The following PRKG2 variants were observed in gnomAD, a reference collection of about 807,000 sequenced individuals.
PRKG2 encodes the protein protein kinase cGMP-dependent 2, also known as cGMP-dependent protein kinase 2.
A neutral mutation model predicts 97.2 loss-of-function variants in PRKG2; 33 were observed. That is an observed-to-expected ratio of 0.34 (90% CI 0.26 to 0.45). PRKG2 has a LOEUF of 0.45. PRKG2 is among the 20% of genes least tolerant of loss of function. The probability of loss-of-function intolerance (pLI) is 1.00; values close to 1 mark genes in which losing one functional copy is unlikely to be tolerated. For missense variants in PRKG2, 638 were observed against 900.0 expected, an observed-to-expected ratio of 0.71 and a Z score of 3.73; for synonymous variants, 330 against 321.8, an observed-to-expected ratio of 1.03 and a Z score of -0.27.
intron 14 of PRKG2, 98 bp downstream of exon 14, chr4:81,135,057 C>T: frequency 8.4e-7 from 1 of 1,194,968 alleles, no homozygotes; most frequent in Non-Finnish European, 1.2e-6. Context: ...GAGAGAATAA[C>T]AGCTGCACTA....
Position 81,193,727 on chromosome 4 carries a change from T to C in PRKG2, c.461+10860A>G, listed in dbSNP as rs548261969. Among the ~76,000 whole-genome samples the C allele has an allele frequency of 1.6e-4, 24 of 151,946 alleles. No individual in the cohort carries two copies. In the East Asian group the frequency reaches 4.7e-3, roughly 30 times the overall value. On this transcript the variant is annotated intron_variant, in intron 2 of 18. Coordinates refer to ENST00000264399, the MANE Select transcript of PRKG2 (RefSeq NM_006259.3). ...TGGTGGTGGGCGCCCGTAATCCCAGTTACTCAGGAGGCAGAGGCAGGAGAA... is the reference window on the plus strand; with the variant it reads ...TGGTGGTGGGCGCCCGTAATCCCAGCTACTCAGGAGGCAGAGGCAGGAGAA...
intron 1 of PRKG2, among the ~76,000 whole-genome samples, chr4:81,211,501 A>G (rs1343048817): frequency 2.0e-5 from 3 of 152,168 alleles, no homozygotes; most frequent in African/African-American, 7.2e-5. Context: ...AAAATTTCCT[A>G]CGCCACATTA....
intron 2 of PRKG2, among the ~76,000 whole-genome samples, chr4:81,188,880 G>A (rs868386658): frequency 0.012 from 534 of 43,000 alleles, 12 homozygotes; most frequent in Middle Eastern, 0.019. Context: ...TGGTGGGGTC[G>A]GGGGAGGGGG....
chr4:81,177,120 T>C (rs914520278), intron 2 of PRKG2, among the ~76,000 whole-genome samples: 1 of 152,142 alleles, frequency 6.6e-6, no homozygotes, highest in East Asian at 1.9e-4. Context: ...AAGAAACCCC[T>C]CATGATTTTA....
chr4:81,173,965 A>G (rs1750707090), intron 3 of PRKG2: 1 of 152,042 alleles, frequency 6.6e-6, no homozygotes, highest in African/African-American at 2.4e-5. Context: ...CTAAAACTCA[A>G]AAAGTTGTGC....
intron 3 of PRKG2, among the ~76,000 whole-genome samples, chr4:81,172,430 G>T (rs969244981): frequency 5.9e-5 from 9 of 152,078 alleles, no homozygotes; most frequent in Non-Finnish European, 1.5e-5. Context: ...CCTTGGGCAA[G>T]TTACTTCATG....
At chr4:81,114,599 T>C (rs1744321828) in intron 14 of PRKG2, among the ~76,000 whole-genome samples, 2 of 152,206 alleles carry the variant, frequency 1.3e-5, no homozygotes, top group Admixed American at 1.3e-4. Flanking sequence ...TTTGAGTTGG[T>C]GATTATTTTT....
rs145149052 is a variant in PRKG2, at chr4:81,196,219, A to C, written c.461+8368T>G. ...AATTGAATTTGGCCAACAATCACGT[A>C]AGCTGGGAAGAGGACCTCTTCCTGT... On this transcript the variant is annotated intron_variant, in intron 2 of 18. Transcript: ENST00000264399. Among the ~76,000 whole-genome samples the C allele has an allele frequency of 2.6e-3, 403 of 152,296 alleles. 3 individuals are homozygous for C. Among genetic ancestry groups the C allele is most frequent in the South Asian group, 0.024 (117 of 4,828 alleles).
At position 81,092,513 on chromosome 4, in the gene PRKG2, G is replaced by GAAGGAAGGAAGA. The variant is rs1553916436; in HGVS notation, c.2127-62_2127-61insTCTTCCTTCCTT. The GAAGGAAGGAAGA allele has an allele frequency of 2.2e-4, 215 of 983,320 alleles. 2 individuals carry two copies. The African/African-American group carries it at 3.3e-3, about 15-fold the overall frequency. The allele number at this position is 983,320 out of a possible 1,614,324, so 60.9% of individuals were successfully genotyped here. A position where few individuals can be genotyped will look rare whatever the true frequency, so the allele number is the denominator to read the frequency against. The stretch of plus-strand genomic sequence containing the variant: ...GGAAGGAAGGAAGGAAGGAAGGAAG[G>GAAGGAAGGAAGA]GAGAAAGAAAGAGACGACAAAAAGG... On this transcript the variant is annotated intron_variant, in intron 17 of 18. Coordinates refer to ENST00000264399, the MANE Select transcript of PRKG2 (RefSeq NM_006259.3).
Position 81,153,712 on chromosome 4 carries a change from C to T in PRKG2, c.922G>A (p.Asp308Asn). 1 of 1,604,824 alleles carries T rather than the reference C, an allele frequency of 6.2e-7. No homozygotes were observed. The highest frequency in any genetic ancestry group is 8.5e-7 in the Non-Finnish European group (1 of 1,171,798). ...TCTCTAATGATGTAATCTCCTTTGT[C>T]ATAGTATTCCTGTTGGGATGAGAGA... Reference protein sequence around the residue: ...IIDCLEVEYYDKGDYIIREGE... With the variant: ...IIDCLEVEYYNKGDYIIREGE... The change falls in exon 7 of 19, where the codon GAC (aspartate) becomes AAC (asparagine). Residue 308 changes from aspartate (D) to asparagine (N), a missense_variant. Asp to Asn is a conservative substitution (Grantham distance 23, BLOSUM62 1). Transcript: ENST00000264399.
intron 2 of PRKG2, among the ~76,000 whole-genome samples, chr4:81,187,017 C>G (rs996401629): frequency 6.6e-6 from 1 of 152,000 alleles, no homozygotes. Context: ...CAAAACCAGA[C>G]AGATTCACAG....
At chr4:81,180,716 C>G (rs923724085) in intron 2 of PRKG2, among the ~76,000 whole-genome samples, 42 of 151,998 alleles carry the variant, frequency 2.8e-4, no homozygotes, top group African/African-American at 9.9e-4. Flanking sequence ...ATAGAATAAG[C>G]CAACAAAAAT....
chr4:81,146,604 C>T (rs555241964), intron 9 of PRKG2, among the ~76,000 whole-genome samples: 15 of 152,282 alleles, frequency 9.9e-5, no homozygotes, highest in Non-Finnish European at 1.6e-4. Context: ...GGCTTTCAGT[C>T]ACTATATTTC....
chr4:81,147,343 G>T (rs1194419332), intron 9 of PRKG2, among the ~76,000 whole-genome samples: 1 of 152,016 alleles, frequency 6.6e-6, no homozygotes, highest in Admixed American at 6.6e-5. Context: ...CATATTTTAA[G>T]GAACATATAT....
In PRKG2 at chr4:81,183,606, T is replaced by C. The variant is rs375848736; in HGVS notation, c.462-8647A>G. Among the ~76,000 whole-genome samples, 569 of 152,058 alleles carry C rather than the reference T, an allele frequency of 3.7e-3. 5 individuals are homozygous for C. The highest frequency in any genetic ancestry group is 0.013 in the African/African-American group (536 of 41,476). On this transcript the variant is annotated intron_variant, in intron 2 of 18. Coordinates refer to ENST00000264399, the MANE Select transcript of PRKG2 (RefSeq NM_006259.3). The stretch of plus-strand genomic sequence containing the variant: ...AGCTAGCTGCAGGAATTTTTTTTTT[T>C]CATACCCCCGTGGTGCCTGGAATGC...
At chr4:81,209,571 C>G (rs1344004297) in intron 1 of PRKG2, among the ~76,000 whole-genome samples, 1 of 151,888 alleles carries the variant, frequency 6.6e-6, no homozygotes, top group Non-Finnish European at 1.5e-5. Context: ...GAGAGATAGA[C>G]AAAACAATGC....
chr4:81,178,274 T>C (rs1337487825), intron 2 of PRKG2, among the ~76,000 whole-genome samples: 3 of 151,988 alleles, frequency 2.0e-5, no homozygotes, highest in African/African-American at 7.2e-5. Context: ...GCATTCTCCA[T>C]TGGAAGTTCA....
chr4:81,136,203 A>AT (rs1746680993), intron 13 of PRKG2, among the ~76,000 whole-genome samples: 1 of 152,180 alleles, frequency 6.6e-6, no homozygotes, highest in African/African-American at 2.4e-5. Context: ...AATGTTCATG[A>AT]TACAACACAT....
At chr4:81,179,008 C>T (rs896951127) in intron 2 of PRKG2, among the ~76,000 whole-genome samples, 2 of 151,810 alleles carry the variant, frequency 1.3e-5, no homozygotes, top group Non-Finnish European at 2.9e-5. Context: ...GCCTGTAGTC[C>T]CAGCTACTTT....
Sources: gnomAD v4.1 joint callset for allele counts (sites outside exome capture counted in the v4.1 genomes callset) on GRCh38, gnomAD v4.1.1 for gene constraint, MANE v1.5 for transcripts, NCBI Gene and HGNC (gene_info 2026-07-23, HGNC 2026-07-21) for gene names.